Variants in UBE3D observed in about 807,000 individuals in gnomAD.
UBE3D encodes E3 ubiquitin-protein ligase E3D.
Under a neutral mutation model 49.6 loss-of-function variants are expected in UBE3D, and 48 were observed. The ratio of observed to expected loss-of-function variants is 0.97; its 90% confidence interval spans 0.77 to 1.23. The LOEUF is 1.23. Ranked by LOEUF, UBE3D falls within the 50% of genes most tolerant of loss-of-function variation. UBE3D has a pLI of 0.00. For missense variants in UBE3D, 452 were observed against 468.4 expected, an observed-to-expected ratio of 0.96 and a Z score of 0.32; for synonymous variants, 189 against 174.2, an observed-to-expected ratio of 1.08 and a Z score of -0.67.
chr6:83,048,902 T>C (rs560884302), intron 3 of UBE3D, among the ~76,000 whole-genome samples: 6 of 152,280 alleles, frequency 3.9e-5, no homozygotes, highest in Non-Finnish European at 8.8e-5. Context: ...TTTTCAAGGT[T>C]AGTTTTTAGG....
At chr6:82,918,552 G>A (rs1472157024) in intron 9 of UBE3D, among the ~76,000 whole-genome samples, 2 of 152,062 alleles carry the variant, frequency 1.3e-5, no homozygotes, top group Non-Finnish European at 1.5e-5. Context: ...AAATACCATG[G>A]AAAATAGAAT....
chr6:82,904,370 A>C (rs545309597), intron 9 of UBE3D, among the ~76,000 whole-genome samples: 33 of 152,204 alleles, frequency 2.2e-4, no homozygotes, highest in Non-Finnish European at 3.8e-4. Flanking sequence ...GAGAAGTAAA[A>C]ACAGATTAGT....
chr6:83,048,036 C>G (rs1048811818), intron 3 of UBE3D, among the ~76,000 whole-genome samples: 2 of 134,324 alleles, frequency 1.5e-5, no homozygotes, highest in African/African-American at 5.5e-5. Flanking sequence ...GAGCCGAGAT[C>G]GCGCCACTGC....
At chr6:82,963,993 G>A (rs573683475) in intron 8 of UBE3D, among the ~76,000 whole-genome samples, 3 of 152,222 alleles carry the variant, frequency 2.0e-5, no homozygotes, top group South Asian at 2.1e-4. Flanking sequence ...TGAACTAAAC[G>A]TCAATTGAAA....
At chr6:83,022,213 G>A (rs980938819) in intron 7 of UBE3D, among the ~76,000 whole-genome samples, 2 of 152,252 alleles carry the variant, frequency 1.3e-5, no homozygotes, top group African/African-American at 4.8e-5. Context: ...TTTTAGTAGA[G>A]ATGGGGTTTC....
Position 82,957,468 on chromosome 6 carries a change from ATT to A in UBE3D, c.1011-20_1011-19del. On this transcript the variant is annotated intron_variant, in intron 8 of 9. Transcript: ENST00000369747. The stretch of plus-strand genomic sequence containing the variant: ...TGACAAGTCTGGAACACACCAACAC[ATT>A]AACTTTCAAAAATGCATTATCATAA... The A allele has an allele frequency of 6.3e-7, 1 of 1,589,688 alleles. No homozygotes were observed. The highest frequency in any genetic ancestry group is 1.8e-5 in the Admixed American group (1 of 54,452).
At chr6:82,911,196 CAAAA>C (rs1156620624) in intron 9 of UBE3D, among the ~76,000 whole-genome samples, 168 of 39,322 alleles carry the variant, frequency 4.3e-3, no homozygotes, top group Admixed American at 6.3e-3. Context: ...AACATTTTGG[CAAAA>C]AAAAAAAAAA....
chr6:83,007,772 C>G (rs1780076885), intron 8 of UBE3D, among the ~76,000 whole-genome samples: 2 of 152,024 alleles, frequency 1.3e-5, no homozygotes, highest in South Asian at 4.2e-4. Context: ...TGGCAAAACC[C>G]CATCTCTACA....
chr6:82,939,441 T>G (rs1774841910), intron 9 of UBE3D, among the ~76,000 whole-genome samples: 1 of 152,238 alleles, frequency 6.6e-6, no homozygotes, highest in Non-Finnish European at 1.5e-5. Context: ...AGGGACCACA[T>G]GTACAACAGT....
chr6:82,928,675 T>A (rs1773925425), intron 9 of UBE3D, among the ~76,000 whole-genome samples: 1 of 152,184 alleles, frequency 6.6e-6, no homozygotes, highest in Admixed American at 6.5e-5. Flanking sequence ...AGCTTCTAAA[T>A]GTTGGCTCTC....
chr6:83,010,194 G>C (rs571337492), intron 8 of UBE3D, among the ~76,000 whole-genome samples: 8 of 152,050 alleles, frequency 5.3e-5, no homozygotes, highest in South Asian at 2.1e-4. Context: ...AAAATTTTAA[G>C]GTTAATCACG....
downstream of UBE3D, among the ~76,000 whole-genome samples, chr6:82,888,385 T>C (rs1770927272): frequency 2.0e-5 from 3 of 151,906 alleles, no homozygotes; most frequent in South Asian, 6.2e-4. Context: ...ATAAAAATCA[T>C]TTTCACCTTT....
At chr6:82,895,593 TA>T (rs1771260756) in intron 9 of UBE3D, among the ~76,000 whole-genome samples, 1 of 152,216 alleles carries the variant, frequency 6.6e-6, no homozygotes, top group African/African-American at 2.4e-5. Flanking sequence ...ATGAAATTTG[TA>T]AAACACTTTA....
At chr6:82,908,585 A>G (rs947975057) in intron 9 of UBE3D, among the ~76,000 whole-genome samples, 2 of 152,110 alleles carry the variant, frequency 1.3e-5, no homozygotes, top group African/African-American at 4.8e-5. Context: ...ACCTTTCCTA[A>G]CTCCAAAATG....
chr6:83,059,411 C>T (rs1784023162), intron 1 of UBE3D, among the ~76,000 whole-genome samples: 1 of 152,088 alleles, frequency 6.6e-6, no homozygotes, highest in Non-Finnish European at 1.5e-5. Context: ...GAAGAAAAAT[C>T]CAACTCTTAG....
At chr6:82,884,885 A>G in the UBE3D span, among the ~76,000 whole-genome samples, 3 of 152,236 alleles carry the variant, frequency 2.0e-5, no homozygotes, top group African/African-American at 7.2e-5. Flanking sequence ...TGGAAATTAC[A>G]TAAAAAGTAA....
chr6:82,994,203 A>G (rs767675708), intron 8 of UBE3D, among the ~76,000 whole-genome samples: 20 of 152,212 alleles, frequency 1.3e-4, no homozygotes, highest in Non-Finnish European at 2.2e-4. Context: ...GTTAGTGAAG[A>G]CCTTACCCAT....
the UBE3D span, among the ~76,000 whole-genome samples, chr6:82,881,808 T>C: frequency 6.6e-6 from 1 of 152,230 alleles, no homozygotes; most frequent in Non-Finnish European, 1.5e-5. Flanking sequence ...AGGTAAGTTA[T>C]TGGATTTCTC....
intron 9 of UBE3D, among the ~76,000 whole-genome samples, chr6:82,913,270 G>A (rs1772660856): frequency 6.6e-6 from 1 of 152,170 alleles, no homozygotes; most frequent in African/African-American, 2.4e-5. Flanking sequence ...CTGTTGCAAG[G>A]TTGACGTCCA....
Sources: allele counts gnomAD v4.1 joint callset (sites outside exome capture counted in the v4.1 genomes callset), GRCh38; gene constraint gnomAD v4.1.1; transcripts MANE v1.5; gene names NCBI Gene and HGNC (gene_info 2026-07-23, HGNC 2026-07-21).